Variants in ADAM19 observed in about 807,000 individuals in gnomAD.
ADAM19 encodes disintegrin and metalloproteinase domain-containing protein 19.
Under a neutral mutation model 114.7 loss-of-function variants are expected in ADAM19, and 65 were observed. The ratio of observed to expected loss-of-function variants is 0.57; its 90% confidence interval spans 0.46 to 0.70. ADAM19 has a LOEUF of 0.70. Ranked by LOEUF, ADAM19 falls within the 30% of genes least tolerant of loss-of-function variation. The pLI, the probability that ADAM19 is intolerant of heterozygous loss-of-function variation, is 0.00. For missense variants in ADAM19, 1,063 were observed against 1,204.7 expected (o/e 0.88, Z 1.74); for synonymous variants, 466 against 460.5 (o/e 1.01, Z -0.15).
intron 4 of ADAM19, among the ~76,000 whole-genome samples, chr5:157,534,326 G>A (rs1180076404): frequency 1.3e-5 from 2 of 152,104 alleles, no homozygotes; most frequent in African/African-American, 4.8e-5. Flanking sequence ...AAATTAGCCA[G>A]GCGTGATGGC....
intron 18 of ADAM19, 76 bp from the exon 19 acceptor site, chr5:157,490,530 C>G (rs1450574252): frequency 1.3e-6 from 2 of 1,521,422 alleles, no homozygotes; most frequent in African/African-American, 2.8e-5. Flanking sequence ...GGTATTCGTG[C>G]TTCTTCTTCA....
Position 157,575,608 on chromosome 5 carries a change from C to T in ADAM19, c.89G>A (p.Trp30Ter). The change falls in exon 1 of 23, where the codon TGG (tryptophan) becomes TAG (stop). Residue 30 changes from tryptophan (W) to a stop codon, truncating the protein, a stop_gained. Coordinates refer to ENST00000257527, the MANE Select transcript of ADAM19 (RefSeq NM_033274.5). LOFTEE classifies it high-confidence loss of function. Reference sequence around the variant, plus strand: ...CCCCGCGCCTGGCCACTTACTTGTCCATCCAGGCTCCCGCGCCGCCCGCGG... The same window carrying T: ...CCCCGCGCCTGGCCACTTACTTGTCTATCCAGGCTCCCGCGCCGCCCGCGG... ...LRPRAAREPG[W>*]TRGSEEGSPK... The T allele has an allele frequency of 6.9e-7, 1 of 1,458,750 alleles. No individual in the cohort carries two copies. Among genetic ancestry groups the T allele is most frequent in the East Asian group, 3.0e-5 (1 of 33,036 alleles). 90.4% of individuals were successfully genotyped at this position (1,458,750 alleles called of 1,614,324 possible).
At chr5:157,549,864 A>G (rs1757141080) in intron 3 of ADAM19, among the ~76,000 whole-genome samples, 1 of 152,240 alleles carries the variant, frequency 6.6e-6, no homozygotes, top group Non-Finnish European at 1.5e-5. Flanking sequence ...AGATCTATCA[A>G]CTAATGAATG....
At chr5:157,536,471 T>C (rs961082103) in intron 4 of ADAM19, among the ~76,000 whole-genome samples, 1 of 152,086 alleles carries the variant, frequency 6.6e-6, no homozygotes, top group African/African-American at 2.4e-5. Flanking sequence ...CTACTAAAAA[T>C]ACAAAAATTA....
chr5:157,564,271 G>GGTCA, intron 3 of ADAM19, 102 bp downstream of exon 3: 3 of 1,050,994 alleles, frequency 2.9e-6, no homozygotes, highest in Non-Finnish European at 4.5e-6. Flanking sequence ...GAGAGCTTGG[G>GGTCA]GTCACTCCAT....
intron 4 of ADAM19, among the ~76,000 whole-genome samples, chr5:157,532,539 A>G (rs1043977830): frequency 5.9e-5 from 9 of 152,238 alleles, no homozygotes; most frequent in Non-Finnish European, 2.9e-5. Context: ...CTTCCTCCCA[A>G]ATAAGTCAAG....
chr5:157,530,924 A>G, intron 4 of ADAM19, 41 bp from the exon 5 acceptor site: 1 of 1,524,726 alleles, frequency 6.6e-7, no homozygotes, highest in South Asian at 1.1e-5. Flanking sequence ...AAGAACACTG[A>G]TAAGCATGGC....
At chr5:157,524,869 C>T (rs113526878) in intron 5 of ADAM19, among the ~76,000 whole-genome samples, 79 of 152,302 alleles carry the variant, frequency 5.2e-4, no homozygotes, top group African/African-American at 1.8e-3. Context: ...AAAAGAACAG[C>T]TAACGGTCAT....
chr5:157,509,304 A>G lies in ADAM19; in HGVS notation c.902T>C (p.Ile301Thr). Reference protein sequence around the residue: ...AQKYHDNAQLITGMSFHGTTI... With the variant: ...AQKYHDNAQLTTGMSFHGTTI... ...CATATGGAAAAAGGCTATTTACGTG[A>G]TTAATTGGGCGTTGTCATGGTACTT... The change falls in exon 9 of 23, where the codon ATC becomes ACC. Residue 301 changes from isoleucine (I) to threonine (T), a missense_variant. Physicochemically the swap from Ile to Thr is moderately conservative, Grantham distance 89. Transcript: ENST00000257527. 6.2e-7 allele frequency: 1 copy of G among 1,606,994 alleles called. No homozygotes were observed. The highest frequency in any genetic ancestry group is 8.5e-7 in the Non-Finnish European group (1 of 1,175,626).
At chr5:157,481,685 T>A (rs1198605363) in intron 22 of ADAM19, 106 bp downstream of exon 22, 1 of 1,551,790 alleles carries the variant, frequency 6.4e-7, no homozygotes, top group South Asian at 1.2e-5. Flanking sequence ...GGAAGTTCAG[T>A]CCAGACCACA....
intron 5 of ADAM19, among the ~76,000 whole-genome samples, chr5:157,526,658 T>C (rs1467608275): frequency 6.6e-6 from 1 of 151,732 alleles, no homozygotes; most frequent in Non-Finnish European, 1.5e-5. Context: ...TCTTGCTTTG[T>C]CGCCCAAGCT....
intron 2 of ADAM19, chr5:157,566,606 A>G (rs978269115): frequency 1.3e-5 from 2 of 152,202 alleles, no homozygotes; most frequent in Non-Finnish European, 2.9e-5. Flanking sequence ...TTATTTTTTT[A>G]AAAAAGGATA....
At chr5:157,507,004 T>C in intron 10 of ADAM19, 52 bp downstream of exon 10, 3 of 1,495,154 alleles carry the variant, frequency 2.0e-6, no homozygotes, top group Non-Finnish European at 2.8e-6. Flanking sequence ...CCTCTGGTCT[T>C]GAAAGGCAGC....
intron 15 of ADAM19, 31 bp from the exon 16 acceptor site, chr5:157,493,208 C>G (rs777333853): frequency 6.2e-7 from 1 of 1,604,730 alleles, no homozygotes; most frequent in Non-Finnish European, 8.5e-7. Context: ...GGGAAGGAAG[C>G]GGAATCAGAG....
At chr5:157,549,976 G>C (rs1299675079) in intron 3 of ADAM19, among the ~76,000 whole-genome samples, 1 of 152,178 alleles carries the variant, frequency 6.6e-6, no homozygotes, top group African/African-American at 2.4e-5. Flanking sequence ...TTTACCCGAA[G>C]TGAAAGTAGC....
chr5:157,524,719 A>T (rs1320763674), intron 5 of ADAM19, among the ~76,000 whole-genome samples: 1 of 152,228 alleles, frequency 6.6e-6, no homozygotes, highest in East Asian at 1.9e-4. Context: ...GGGTGCCCCC[A>T]TATAGCACCT....
intron 4 of ADAM19, among the ~76,000 whole-genome samples, chr5:157,535,804 A>C (rs1005134102): frequency 1.3e-5 from 2 of 152,244 alleles, no homozygotes; most frequent in African/African-American, 2.4e-5. Flanking sequence ...GCGTGAGCTC[A>C]TGGCAAATTC....
intron 1 of ADAM19, 114 bp downstream of exon 1, chr5:157,575,488 GC>G (rs1365778847): frequency 2.8e-6 from 2 of 707,826 alleles, no homozygotes; most frequent in African/African-American, 3.8e-5. Flanking sequence ...GGGGGCGCAG[GC>G]CCCGCGGAGT....
At chr5:157,497,843 C>G (rs1257323985) in intron 13 of ADAM19, among the ~76,000 whole-genome samples, 1 of 152,220 alleles carries the variant, frequency 6.6e-6, no homozygotes, top group Non-Finnish European at 1.5e-5. Flanking sequence ...GTTACTAATA[C>G]TCTTTCCATT....
Sources: gnomAD v4.1 joint callset for allele counts (sites outside exome capture counted in the v4.1 genomes callset) on GRCh38, gnomAD v4.1.1 for gene constraint, MANE v1.5 for transcripts, NCBI Gene and HGNC (gene_info 2026-07-23, HGNC 2026-07-21) for gene names.